CNTNAP2: variants seen among roughly 807,000 people sequenced by gnomAD.
The protein encoded by CNTNAP2 is contactin-associated protein-like 2.
A neutral mutation model predicts 155.2 loss-of-function variants in CNTNAP2; 98 were observed. The ratio of observed to expected loss-of-function variants is 0.63; its 90% CI spans 0.54 to 0.75. CNTNAP2 has a LOEUF of 0.75. Ranked by LOEUF, CNTNAP2 falls within the 30% of genes least tolerant of loss-of-function variation. CNTNAP2 has a pLI of 0.00. For missense variants in CNTNAP2, 1,727 were observed against 1,688.1 expected (o/e 1.02, Z -0.40); for synonymous variants, 651 against 631.2 (o/e 1.03, Z -0.47).
chr7:148,092,715 C>G (rs138523561), intron 15 of CNTNAP2, among the ~76,000 whole-genome samples: 1 of 152,050 alleles, frequency 6.6e-6, no homozygotes, highest in Non-Finnish European at 1.5e-5. Context: ...AATTTAGTAA[C>G]GCTGGGGTTG....
At chr7:146,950,870 C>G (rs752431072) in intron 3 of CNTNAP2, among the ~76,000 whole-genome samples, 27 of 152,172 alleles carry the variant, frequency 1.8e-4, no homozygotes, top group Non-Finnish European at 2.6e-4. Flanking sequence ...AATTGCCACA[C>G]TGTCTTCCAC....
rs181930387 is a variant in CNTNAP2 at position 146,331,076 on chromosome 7, G to A, written c.97+214103G>A. Among the ~76,000 whole-genome samples the A allele has an allele frequency of 6.0e-3, 911 of 152,024 alleles. 4 individuals are homozygous for A. Among genetic ancestry groups the A allele is most frequent in the Middle Eastern group, 0.017 (5 of 294 alleles). ...TCCCAGCACTTTGGGAGGCCGAGTCGGGCGGATCACGAGGTCAGGAGATCG... is the reference window on the plus strand; with the variant it reads ...TCCCAGCACTTTGGGAGGCCGAGTCAGGCGGATCACGAGGTCAGGAGATCG... On this transcript the variant is annotated intron_variant, in intron 1 of 23. Coordinates refer to ENST00000361727, the MANE Select transcript of CNTNAP2 (RefSeq NM_014141.6).
chr7:146,175,570 T>A (rs921191762), intron 1 of CNTNAP2, among the ~76,000 whole-genome samples: 2 of 152,232 alleles, frequency 1.3e-5, no homozygotes, highest in African/African-American at 4.8e-5. Flanking sequence ...TATGATTACA[T>A]GATTGCCATT....
chr7:148,207,080 T>C (rs936027936), intron 18 of CNTNAP2, among the ~76,000 whole-genome samples: 2 of 152,232 alleles, frequency 1.3e-5, no homozygotes, highest in African/African-American at 4.8e-5. Flanking sequence ...GTATATATCA[T>C]GTTTGCTTTT....
chr7:147,779,866 A>G (rs959810933), intron 13 of CNTNAP2, among the ~76,000 whole-genome samples: 10 of 152,202 alleles, frequency 6.6e-5, no homozygotes, highest in African/African-American at 2.4e-4. Context: ...AAAGCATCAC[A>G]CTTTACTTTT....
intron 11 of CNTNAP2, among the ~76,000 whole-genome samples, chr7:147,557,151 C>A (rs775606302): frequency 6.6e-6 from 1 of 151,980 alleles, no homozygotes; most frequent in Non-Finnish European, 1.5e-5. Flanking sequence ...GTAATCCCAG[C>A]TGCTTGGGAA....
intron 14 of CNTNAP2, among the ~76,000 whole-genome samples, chr7:147,971,917 A>G (rs745638588): frequency 4.6e-5 from 7 of 152,186 alleles, no homozygotes; most frequent in Non-Finnish European, 7.3e-5. Flanking sequence ...AGTGTAATCC[A>G]AGCTACTTGG....
intron 1 of CNTNAP2, among the ~76,000 whole-genome samples, chr7:146,467,431 T>G (rs1796732102): frequency 1.3e-5 from 2 of 152,166 alleles, no homozygotes; most frequent in Non-Finnish European, 2.9e-5. Flanking sequence ...AAATAGGTTT[T>G]CAGGTCATTT....
chr7:147,932,719 T>C (rs552815196), intron 14 of CNTNAP2, among the ~76,000 whole-genome samples: 1 of 152,142 alleles, frequency 6.6e-6, no homozygotes, highest in African/African-American at 2.4e-5. Flanking sequence ...AGGTATACTA[T>C]GTCAAACTAA....
At chr7:147,775,118 CT>C (rs1367221049) in intron 13 of CNTNAP2, among the ~76,000 whole-genome samples, 7 of 149,356 alleles carry the variant, frequency 4.7e-5, no homozygotes, top group Non-Finnish European at 1.0e-4. Context: ...GGGTGATGGT[CT>C]TTTCACAATA....
intron 3 of CNTNAP2, among the ~76,000 whole-genome samples, chr7:146,962,454 G>T (rs989041987): frequency 6.6e-6 from 1 of 152,100 alleles, no homozygotes; most frequent in Admixed American, 6.6e-5. Context: ...AGGGAGTAAG[G>T]GAGTCAGCAT....
chr7:147,473,213 G>C (rs552251893), intron 10 of CNTNAP2, among the ~76,000 whole-genome samples: 1 of 152,318 alleles, frequency 6.6e-6, no homozygotes, highest in East Asian at 1.9e-4. Flanking sequence ...CTTTCAAGGA[G>C]TTTGTCTATG....
intron 13 of CNTNAP2, among the ~76,000 whole-genome samples, chr7:147,881,975 C>T (rs778322222): frequency 6.6e-6 from 1 of 151,754 alleles, no homozygotes; most frequent in African/African-American, 2.4e-5. Context: ...TCATCCACCC[C>T]TCATCCCTAC....
chr7:147,296,910 A>G (rs541203286), intron 8 of CNTNAP2, among the ~76,000 whole-genome samples: 1 of 152,138 alleles, frequency 6.6e-6, no homozygotes, highest in Non-Finnish European at 1.5e-5. Flanking sequence ...TCCTCTTTCT[A>G]CATCATTGGA....
chr7:146,960,884 C>A lies in CNTNAP2; in HGVS notation c.403-83023C>A, dbSNP rs1341136036. On this transcript the variant is annotated intron_variant, in intron 3 of 23. Coordinates refer to ENST00000361727, the MANE Select transcript of CNTNAP2 (RefSeq NM_014141.6). ...TTGTGACCTCTAGCTGTGAGAGAAT[C>A]CTTAGGTTCCAGAGACCAGTAGTTC... Among the ~76,000 whole-genome samples, 6 of 152,128 alleles carry A rather than the reference C, an allele frequency of 3.9e-5. 1 individual carries two copies. Among genetic ancestry groups the A allele is most frequent in the Admixed American group, 3.9e-4 (6 of 15,288 alleles).
intron 1 of CNTNAP2, among the ~76,000 whole-genome samples, chr7:146,158,843 C>G (rs1477451665): frequency 6.6e-6 from 1 of 152,104 alleles, no homozygotes; most frequent in African/African-American, 2.4e-5. Context: ...GAGAACTTCC[C>G]CAAACTAATG....
At chr7:147,818,708 T>A (rs768938522) in intron 13 of CNTNAP2, among the ~76,000 whole-genome samples, 38 of 152,230 alleles carry the variant, frequency 2.5e-4, no homozygotes, top group Non-Finnish European at 1.0e-4. Flanking sequence ...ATTCTAAGCT[T>A]GTGTGCACTT....
At chr7:148,091,051 G>T (rs1044881165) in intron 15 of CNTNAP2, among the ~76,000 whole-genome samples, 1 of 152,072 alleles carries the variant, frequency 6.6e-6, no homozygotes, top group African/African-American at 2.4e-5. Context: ...TAAAATAGTG[G>T]TTACCACAGA....
At chr7:148,313,026 A>G (rs1797622485) in intron 21 of CNTNAP2, among the ~76,000 whole-genome samples, 1 of 151,894 alleles carries the variant, frequency 6.6e-6, no homozygotes, top group African/African-American at 2.4e-5. Context: ...GTCTCGGCCT[A>G]ATAAGGGAAC....
Sources: gnomAD v4.1 joint callset for allele counts (sites outside exome capture counted in the v4.1 genomes callset) on GRCh38, gnomAD v4.1.1 for gene constraint, MANE v1.5 for transcripts, NCBI Gene and HGNC (gene_info 2026-07-23, HGNC 2026-07-21) for gene names.